The following LHFPL3 variants were observed in gnomAD, a reference collection of about 807,000 sequenced individuals.
The protein encoded by LHFPL3 is LHFPL tetraspan subfamily member 3 protein.
In LHFPL3, 5 loss-of-function variants were observed where a neutral mutation model predicts 19.3. The observed-to-expected ratio is 0.26, with a 90% confidence interval of 0.14 to 0.54. LHFPL3 has a LOEUF of 0.54. Ranked by LOEUF, LHFPL3 falls within the 20% of genes least tolerant of loss-of-function variation. The pLI is 0.94. For missense variants in LHFPL3, 249 were observed against 307.4 expected, an observed-to-expected ratio of 0.81 and a Z score of 1.42; for synonymous variants, 133 against 126.2, an observed-to-expected ratio of 1.05 and a Z score of -0.36.
intron 2 of LHFPL3, among the ~76,000 whole-genome samples, chr7:104,846,002 T>C (rs1483203808): frequency 1.3e-5 from 2 of 152,166 alleles, no homozygotes; most frequent in Non-Finnish European, 2.9e-5. Flanking sequence ...TGTACACATA[T>C]GTATGCGATG....
At chr7:104,774,810 T>C (rs779212920) in intron 2 of LHFPL3, among the ~76,000 whole-genome samples, 1 of 152,226 alleles carries the variant, frequency 6.6e-6, no homozygotes, top group Admixed American at 6.5e-5. Flanking sequence ...GTTTGTAGTA[T>C]AAGGAGCATG....
intron 2 of LHFPL3, among the ~76,000 whole-genome samples, chr7:104,866,928 A>C (rs1440256246): frequency 3.9e-5 from 6 of 152,218 alleles, no homozygotes; most frequent in Non-Finnish European, 8.8e-5. Context: ...AAACTCACTC[A>C]AAACTGCTCA....
chr7:104,901,242 TAAG>T (rs1306006312), intron 2 of LHFPL3, among the ~76,000 whole-genome samples: 2 of 152,242 alleles, frequency 1.3e-5, no homozygotes, highest in Non-Finnish European at 1.5e-5. Flanking sequence ...GCATACTATC[TAAG>T]TAGTTGTAAT....
intron 1 of LHFPL3, among the ~76,000 whole-genome samples, chr7:104,602,020 C>CTTTTTTTTTTTTTTTTTTTTTTTTT (rs57501560): frequency 5.5e-5 from 5 of 91,462 alleles, no homozygotes; most frequent in East Asian, 3.6e-4. Flanking sequence ...TTTTTCTTTT[C>CTTTTTTTTTTTTTTTTTTTTTTTTT]TTTTTTTTTT....
intron 1 of LHFPL3, among the ~76,000 whole-genome samples, chr7:104,387,382 G>A (rs10279218): frequency 0.41 from 62,662 of 151,574 alleles, 13,284 homozygotes; most frequent in Admixed American, 0.54. Flanking sequence ...ATTAAAAAAT[G>A]AAAGTAAAAA....
chr7:104,339,782 C>T (rs572084765), intron 1 of LHFPL3, among the ~76,000 whole-genome samples: 2 of 152,262 alleles, frequency 1.3e-5, no homozygotes, highest in East Asian at 3.9e-4. Context: ...CTAGAGTCTG[C>T]GGTGATTCTT....
At chr7:104,668,374 A>T in intron 1 of LHFPL3, 1 of 1,593,228 alleles carries the variant, frequency 6.3e-7, no homozygotes, top group Non-Finnish European at 8.6e-7. Flanking sequence ...GACACCTTTG[A>T]TGACTACCCA....
chr7:104,737,201 C>T (rs1793844440), intron 2 of LHFPL3, among the ~76,000 whole-genome samples: 1 of 151,844 alleles, frequency 6.6e-6, no homozygotes, highest in Non-Finnish European at 1.5e-5. Flanking sequence ...TTCAGGTTTG[C>T]CATCAGAACT....
chr7:104,449,101 A>G (rs1792383783), intron 1 of LHFPL3, among the ~76,000 whole-genome samples: 2 of 152,216 alleles, frequency 1.3e-5, no homozygotes, highest in South Asian at 4.1e-4. Context: ...TGAGTGACAA[A>G]TGCCAAGAAG....
chr7:104,395,313 T>G (rs570814945), intron 1 of LHFPL3, among the ~76,000 whole-genome samples: 1 of 152,326 alleles, frequency 6.6e-6, no homozygotes, highest in South Asian at 2.1e-4. Flanking sequence ...GATTTGTCAG[T>G]TTGGAGCAGT....
At chr7:104,421,313 A>G (rs147167010) in intron 1 of LHFPL3, among the ~76,000 whole-genome samples, 1 of 152,358 alleles carries the variant, frequency 6.6e-6, no homozygotes, top group Non-Finnish European at 1.5e-5. Context: ...AATTCAAGTG[A>G]AAGTAGGGAA....
chr7:104,838,102 C>T (rs984366163), intron 2 of LHFPL3, among the ~76,000 whole-genome samples: 23 of 152,200 alleles, frequency 1.5e-4, no homozygotes, highest in African/African-American at 5.6e-4. Context: ...TAACTTACCT[C>T]AATGACCCTG....
intron 1 of LHFPL3, among the ~76,000 whole-genome samples, chr7:104,453,570 A>G (rs548222065): frequency 6.6e-5 from 10 of 152,288 alleles, no homozygotes; most frequent in African/African-American, 2.2e-4. Context: ...ATCTTCTAAG[A>G]AAAGGGAGGT....
At chr7:104,520,947 T>C (rs1348315842) in intron 1 of LHFPL3, among the ~76,000 whole-genome samples, 1 of 150,146 alleles carries the variant, frequency 6.7e-6, no homozygotes, top group East Asian at 1.9e-4. Flanking sequence ...CTCTATTTCC[T>C]TCAGTTCTTC....
intron 1 of LHFPL3, among the ~76,000 whole-genome samples, chr7:104,351,543 C>T (rs1197851286): frequency 1.3e-5 from 2 of 152,134 alleles, no homozygotes; most frequent in East Asian, 1.9e-4. Context: ...ATATGTAAAA[C>T]GAGGCTGATA....
chr7:104,819,378 A>G (rs2465068), intron 2 of LHFPL3, among the ~76,000 whole-genome samples: 21 of 54,772 alleles, frequency 3.8e-4, no homozygotes, highest in East Asian at 4.6e-3. Flanking sequence ...TTAGATCTGG[A>G]AAAAAAAAAA....
chr7:104,456,548 C>T (rs193202804), intron 1 of LHFPL3, among the ~76,000 whole-genome samples: 3 of 152,122 alleles, frequency 2.0e-5, no homozygotes, highest in Non-Finnish European at 2.9e-5. Context: ...ATGGAAGATT[C>T]GTTCTAACTG....
chr7:104,568,131 AAT>A (rs1240231266), intron 1 of LHFPL3, among the ~76,000 whole-genome samples: 1 of 152,186 alleles, frequency 6.6e-6, no homozygotes, highest in Non-Finnish European at 1.5e-5. Flanking sequence ...AAGACTTTCT[AAT>A]AGGATTCTTA....
intron 1 of LHFPL3, among the ~76,000 whole-genome samples, chr7:104,456,961 G>C (rs1366471610): frequency 6.6e-6 from 1 of 152,068 alleles, no homozygotes; most frequent in Non-Finnish European, 1.5e-5. Flanking sequence ...TGAAACCACA[G>C]AAAACAAAAT....
Sources: allele counts gnomAD v4.1 joint callset (sites outside exome capture counted in the v4.1 genomes callset), GRCh38; gene constraint gnomAD v4.1.1; transcripts MANE v1.5; gene names NCBI Gene and HGNC (gene_info 2026-07-23, HGNC 2026-07-21).